The following PTAR1 variants were observed in gnomAD, a reference collection of about 807,000 sequenced individuals.
PTAR1 encodes the protein protein prenyltransferase alpha subunit repeat-containing protein 1.
In PTAR1, 17 loss-of-function variants were observed where a neutral mutation model predicts 45.5. The observed-to-expected ratio is 0.37, with a 90% CI of 0.26 to 0.56. PTAR1 has a LOEUF of 0.56. Among genes scored for constraint, PTAR1 ranks in the 20% least tolerant of loss-of-function variants. The pLI, the probability that PTAR1 is intolerant of heterozygous loss-of-function variation, is 0.77. For synonymous variants in PTAR1, 169 were observed against 171.3 expected (o/e 0.99, Z 0.11); for missense variants, 391 against 476.3 (o/e 0.82, Z 1.67).
intron 2 of PTAR1, among the ~76,000 whole-genome samples, chr9:69,744,875 G>A (rs1319484093): frequency 6.6e-6 from 1 of 152,156 alleles, no homozygotes; most frequent in African/African-American, 2.4e-5. Flanking sequence ...ACAGTCCCTG[G>A]CCAAAAGCAG....
chr9:69,739,671 C>A (rs779054030), intron 3 of PTAR1, among the ~76,000 whole-genome samples: 1 of 152,096 alleles, frequency 6.6e-6, no homozygotes, highest in Non-Finnish European at 1.5e-5. Context: ...GTATTTGATA[C>A]GCAATAGAGA....
Position 69,723,347 on chromosome 9 carries a change from T to C in PTAR1, c.926A>G (p.His309Arg). 2 of 1,613,682 alleles carry C rather than the reference T, an allele frequency of 1.2e-6. No individual in the cohort carries two copies. Among genetic ancestry groups the C allele is most frequent in the East Asian group, 2.2e-5 (1 of 44,870 alleles). Residue 309 changes from histidine to arginine, a missense_variant, in exon 6 of 8, where the codon CAT (histidine) becomes CGT (arginine). Coordinates refer to ENST00000340434, the MANE Select transcript of PTAR1 (RefSeq NM_001099666.2). ...TTACCTATGACACCAAAGGGTTTCATGTCCTGGGTAGGAATCAATAAGATC... is the reference window on the plus strand; with the variant it reads ...TTACCTATGACACCAAAGGGTTTCACGTCCTGGGTAGGAATCAATAAGATC... ...STDLIDSYPGHETLWCHRRHI... is the reference protein window; with the variant it reads ...STDLIDSYPGRETLWCHRRHI...
intron 5 of PTAR1, among the ~76,000 whole-genome samples, chr9:69,730,770 A>G (rs533098169): frequency 6.6e-6 from 1 of 151,990 alleles, no homozygotes; most frequent in African/African-American, 2.4e-5. Flanking sequence ...GGTGGGTATG[A>G]TAGGGTTTTA....
intron 1 of PTAR1, 128 bp downstream of exon 1, chr9:69,759,725 C>G: frequency 1.1e-6 from 1 of 891,762 alleles, no homozygotes; most frequent in Non-Finnish European, 1.6e-6. Flanking sequence ...CACGGCTCTG[C>G]CTCCTCCCTA....
chr9:69,745,206 T>C (rs1200733158), intron 2 of PTAR1, among the ~76,000 whole-genome samples: 1 of 152,224 alleles, frequency 6.6e-6, no homozygotes, highest in East Asian at 1.9e-4. Flanking sequence ...GTTGTTCCTT[T>C]AGTAAAACTG....
chr9:69,732,799 A>C (rs1825601505), intron 4 of PTAR1, among the ~76,000 whole-genome samples: 1 of 152,170 alleles, frequency 6.6e-6, no homozygotes, highest in African/African-American at 2.4e-5. Context: ...TGCAAACAAG[A>C]AGCTGCATTC....
At position 69,714,057 on chromosome 9, in the gene PTAR1, T is replaced by G. The variant is rs1824631380; in HGVS notation, c.*4285A>C. ...TTTTTTAAAAGACACTATGTGACAA[T>G]AAGGAATTCTTAGGGTTGATTTTTC... On this transcript the variant is annotated 3_prime_UTR_variant, in exon 8 of 8. Transcript: ENST00000340434. The G allele has an allele frequency of 6.6e-6, 1 of 152,036 alleles. No individual in the cohort carries two copies. Among genetic ancestry groups the G allele is most frequent in the South Asian group, 2.1e-4 (1 of 4,832 alleles). The allele number at this position is 152,036 out of a possible 1,614,324, so 9.4% of individuals were successfully genotyped here. A position where few individuals can be genotyped will look rare whatever the true frequency, so the allele number is the denominator to read the frequency against.
At chr9:69,759,081 C>A (rs1215550346) in intron 1 of PTAR1, among the ~76,000 whole-genome samples, 1 of 152,084 alleles carries the variant, frequency 6.6e-6, no homozygotes, top group Non-Finnish European at 1.5e-5. Flanking sequence ...TAGACTCTTG[C>A]GGTATCTTCC....
At chr9:69,744,662 A>G (rs1420872594) in intron 2 of PTAR1, among the ~76,000 whole-genome samples, 1 of 152,162 alleles carries the variant, frequency 6.6e-6, no homozygotes, top group Non-Finnish European at 1.5e-5. Context: ...CTGGCATTAC[A>G]GGTGTGAGCC....
At chr9:69,749,319 G>A (rs765507304) in intron 2 of PTAR1, among the ~76,000 whole-genome samples, 5 of 152,062 alleles carry the variant, frequency 3.3e-5, no homozygotes, top group Non-Finnish European at 5.9e-5. Context: ...ACATTGGTTC[G>A]ATTATGCATT....
intron 5 of PTAR1, 42 bp downstream of exon 5, chr9:69,732,097 G>A: frequency 7.0e-7 from 1 of 1,420,056 alleles, no homozygotes; most frequent in Non-Finnish European, 9.9e-7. Context: ...AAGATTTTAA[G>A]GGCAGACAGG....
chr9:69,758,326 C>G (rs1826889106), intron 1 of PTAR1: 1 of 151,738 alleles, frequency 6.6e-6, no homozygotes. Flanking sequence ...GCTGTAATTT[C>G]TTCTAGAAAA....
intron 2 of PTAR1, among the ~76,000 whole-genome samples, chr9:69,747,651 G>A (rs1283589316): frequency 1.3e-5 from 2 of 152,170 alleles, no homozygotes; most frequent in African/African-American, 2.4e-5. Context: ...GCCCAGTTAC[G>A]AAGAGTAGAG....
At chr9:69,755,778 G>C (rs1814055853) in intron 1 of PTAR1, among the ~76,000 whole-genome samples, 2 of 152,002 alleles carry the variant, frequency 1.3e-5, no homozygotes, top group Admixed American at 1.3e-4. Flanking sequence ...AAACCTTATA[G>C]GCTTTCTCAT....
chr9:69,732,499 G>A (rs1588459234), intron 4 of PTAR1, 147 bp from the exon 5 acceptor site: 1 of 630,952 alleles, frequency 1.6e-6, no homozygotes, highest in Non-Finnish European at 2.8e-6. Context: ...TTGGAGATGG[G>A]GAGGGGTTGT....
chr9:69,736,880 C>A (rs900528778), intron 3 of PTAR1, among the ~76,000 whole-genome samples: 1 of 152,098 alleles, frequency 6.6e-6, no homozygotes, highest in African/African-American at 2.4e-5. Flanking sequence ...CTTGAAACAA[C>A]CTCAATCAAT....
intron 6 of PTAR1, among the ~76,000 whole-genome samples, chr9:69,720,415 G>A (rs1824941661): frequency 6.6e-6 from 1 of 152,142 alleles, no homozygotes; most frequent in African/African-American, 2.4e-5. Flanking sequence ...GGAAGTTGGA[G>A]AAAAAGAGTT....
intron 5 of PTAR1, among the ~76,000 whole-genome samples, chr9:69,729,890 T>A (rs938957792): frequency 6.6e-6 from 1 of 152,236 alleles, no homozygotes; most frequent in Admixed American, 6.5e-5. Context: ...TGCCCTTCAG[T>A]AAGCTTATAA....
Position 69,714,076 on chromosome 9 carries a change from A to ATT in PTAR1, c.*4264_*4265dup, listed in dbSNP as rs1824632708. 1 of 152,016 alleles carries ATT rather than the reference A, an allele frequency of 6.6e-6. No individual in the cohort carries two copies. The highest frequency in any genetic ancestry group is 2.4e-5 in the African/African-American group (1 of 41,400). 9.4% of individuals were successfully genotyped at this position (152,016 alleles called of 1,614,324 possible). ...TGACAATAAGGAATTCTTAGGGTTG[A>ATT]TTTTTCTTCATTAACTTCTCAGTGC... On this transcript the variant is annotated 3_prime_UTR_variant, in exon 8 of 8. Transcript: ENST00000340434.
Sources: allele counts gnomAD v4.1 joint callset (sites outside exome capture counted in the v4.1 genomes callset), GRCh38; gene constraint gnomAD v4.1.1; transcripts MANE v1.5; gene names NCBI Gene and HGNC (gene_info 2026-07-23, HGNC 2026-07-21).